The following CMC1 variants were observed in gnomAD, a reference collection of about 807,000 sequenced individuals.
The protein encoded by CMC1 is COX assembly mitochondrial protein homolog.
In CMC1, 14 loss-of-function variants were observed where a neutral mutation model predicts 14.1. The observed-to-expected ratio is 0.99, with a 90% CI of 0.66 to 1.55. The LOEUF is 1.55. Among genes scored for constraint, CMC1 ranks in the 40% most tolerant of loss-of-function variants. The pLI is 0.00. For synonymous variants in CMC1, 50 were observed against 38.4 expected (o/e 1.30, Z -1.12); for missense variants, 127 against 123.8 (o/e 1.03, Z -0.12).
chr3:28,265,639 A>G lies in CMC1; in HGVS notation c.109+2259A>G, dbSNP rs190187861. ...AGATTTTTTTTTTAATGTCATTTCA[A>G]CCCAGCTGATCATAAGAATTGGGTC... On this transcript the variant is annotated intron_variant, in intron 2 of 3. Coordinates refer to ENST00000466830, the MANE Select transcript of CMC1 (RefSeq NM_182523.2). Among the ~76,000 whole-genome samples, 41 of 152,244 alleles carry G rather than the reference A, an allele frequency of 2.7e-4. 2 individuals carry two copies. Among genetic ancestry groups the G allele is most frequent in the South Asian group, 1.9e-3 (9 of 4,826 alleles).
At position 28,309,412 on chromosome 3, in the gene CMC1, G is replaced by GT. The variant is rs557818932; in HGVS notation, c.110-6915dup. On this transcript the variant is annotated intron_variant, in intron 2 of 3. Coordinates refer to ENST00000466830, the MANE Select transcript of CMC1 (RefSeq NM_182523.2). ...CAGTGCTTTTGTTTGTTTTTCTGGT[G>GT]TTTTTTAAGTCATCAACCTGGGCCA... Among the ~76,000 whole-genome samples the GT allele has an allele frequency of 1.2e-4, 18 of 152,118 alleles. No homozygotes were observed. The East Asian group carries it at 3.5e-3, about 29-fold the overall frequency.
intron 1 of CMC1, among the ~76,000 whole-genome samples, chr3:28,248,047 C>T (rs1185655800): frequency 6.6e-6 from 1 of 151,998 alleles, no homozygotes; most frequent in Non-Finnish European, 1.5e-5. Context: ...ATTAAAAACT[C>T]CACCAAAATA....
chr3:28,302,648 A>C (rs1023526170), intron 2 of CMC1, among the ~76,000 whole-genome samples: 1 of 152,150 alleles, frequency 6.6e-6, no homozygotes, highest in African/African-American at 2.4e-5. Flanking sequence ...TTAAATATTT[A>C]AATATATTTT....
intron 1 of CMC1, among the ~76,000 whole-genome samples, chr3:28,248,836 C>A (rs1698970538): frequency 2.0e-5 from 3 of 152,120 alleles, no homozygotes; most frequent in African/African-American, 7.2e-5. Context: ...GTTGCCCAGG[C>A]TGGAGTGCAG....
intron 2 of CMC1, among the ~76,000 whole-genome samples, chr3:28,287,307 C>T (rs910090602): frequency 6.6e-6 from 1 of 152,130 alleles, no homozygotes; most frequent in Non-Finnish European, 1.5e-5. Context: ...CTATTTCTCT[C>T]AGTTTGAAAC....
At chr3:28,263,138 G>A (rs1457648324) in intron 1 of CMC1, 153 bp from the exon 2 acceptor site, 3 of 595,036 alleles carry the variant, frequency 5.0e-6, no homozygotes, top group East Asian at 3.2e-5. Flanking sequence ...AATAGGATGA[G>A]TTTTAATGAC....
At chr3:28,260,251 C>G (rs922153931) in intron 1 of CMC1, among the ~76,000 whole-genome samples, 10 of 151,886 alleles carry the variant, frequency 6.6e-5, no homozygotes, top group Non-Finnish European at 1.3e-4. Context: ...CATCTGTGTT[C>G]ATGAGGCATA....
At chr3:28,318,476 A>T (rs915191815) in intron 3 of CMC1, 9 of 151,870 alleles carry the variant, frequency 5.9e-5, no homozygotes, top group Non-Finnish European at 1.2e-4. Context: ...GTGATTCCCC[A>T]AGTTCTCTTC....
intron 1 of CMC1, among the ~76,000 whole-genome samples, chr3:28,261,385 G>C (rs1050471067): frequency 1.3e-5 from 2 of 152,138 alleles, no homozygotes; most frequent in Non-Finnish European, 2.9e-5. Context: ...GAATGGTGTT[G>C]CATGGCTCCA....
chr3:28,241,697 G>T lies in CMC1; in HGVS notation c.-97G>T. 1 of 1,237,446 alleles carries T rather than the reference G, an allele frequency of 8.1e-7. No individual in the cohort carries two copies. Among genetic ancestry groups the T allele is most frequent in the Non-Finnish European group, 1.0e-6 (1 of 987,962 alleles). 76.7% of individuals were successfully genotyped at this position (1,237,446 alleles called of 1,614,324 possible). On this transcript the variant is annotated 5_prime_UTR_variant, in exon 1 of 4. Transcript: ENST00000466830. ...GTTTCTGTTGCGGGAAGCTCCCGGG[G>T]GTCGCACGTGCGTCCGAGCCCAAGC...
chr3:28,256,959 A>G (rs1443963703), intron 1 of CMC1, among the ~76,000 whole-genome samples: 1 of 152,232 alleles, frequency 6.6e-6, no homozygotes. Context: ...AATTGAACCT[A>G]AACACTAGCA....
intron 1 of CMC1, among the ~76,000 whole-genome samples, chr3:28,244,379 G>A (rs1040227084): frequency 1.3e-5 from 2 of 152,138 alleles, no homozygotes; most frequent in South Asian, 2.1e-4. Context: ...AATATACAGC[G>A]TCATGAGGAG....
At chr3:28,294,519 C>T (rs1242859001) in intron 2 of CMC1, 1 of 879,930 alleles carries the variant, frequency 1.1e-6, no homozygotes, top group African/African-American at 1.8e-5. Flanking sequence ...TATATAGCTA[C>T]ATAAATAGTA....
intron 2 of CMC1, among the ~76,000 whole-genome samples, chr3:28,271,160 G>C (rs1349358726): frequency 6.6e-6 from 1 of 151,880 alleles, no homozygotes; most frequent in Non-Finnish European, 1.5e-5. Context: ...TAGTGCAGTG[G>C]CATGATCTCA....
chr3:28,262,819 T>G (rs935846873), intron 1 of CMC1, among the ~76,000 whole-genome samples: 1 of 152,172 alleles, frequency 6.6e-6, no homozygotes, highest in African/African-American at 2.4e-5. Context: ...CGCTTTGTTT[T>G]CATATGGACT....
chr3:28,271,903 C>T (rs1028385134), intron 2 of CMC1, among the ~76,000 whole-genome samples: 2 of 152,192 alleles, frequency 1.3e-5, no homozygotes, highest in Non-Finnish European at 1.5e-5. Context: ...TTTCCTTGAG[C>T]AGTGGCTTGT....
At chr3:28,247,009 C>G (rs1058569) in intron 1 of CMC1, among the ~76,000 whole-genome samples, 93,167 of 151,888 alleles carry the variant, frequency 0.61, 28,945 homozygotes, top group East Asian at 0.71. Context: ...TATTTTCAAT[C>G]GTTTGTACTC....
At chr3:28,301,045 G>C (rs1445245605) in intron 2 of CMC1, among the ~76,000 whole-genome samples, 1 of 150,542 alleles carries the variant, frequency 6.6e-6, no homozygotes. Context: ...TGGCTACATA[G>C]TATTTCGTGA....
At chr3:28,295,025 G>A (rs1577065521) in intron 2 of CMC1, among the ~76,000 whole-genome samples, 1 of 152,070 alleles carries the variant, frequency 6.6e-6, no homozygotes, top group Admixed American at 6.6e-5. Context: ...ACAGGAAGGA[G>A]CAAAGAATGC....
Sources: allele counts gnomAD v4.1 joint callset (sites outside exome capture counted in the v4.1 genomes callset), GRCh38; gene constraint gnomAD v4.1.1; transcripts MANE v1.5; gene names NCBI Gene and HGNC (gene_info 2026-07-23, HGNC 2026-07-21).